The following SREBF2 variants were observed in gnomAD, a reference collection of about 807,000 sequenced individuals.
SREBF2 encodes the protein sterol regulatory element-binding protein 2.
Under a neutral mutation model 113.1 loss-of-function variants are expected in SREBF2, and 55 were observed. The ratio of observed to expected loss-of-function variants is 0.49; its 90% CI spans 0.39 to 0.61. The LOEUF is 0.61. SREBF2 is among the 20% of genes least tolerant of loss of function. The pLI is 0.00. For synonymous variants in SREBF2, 593 were observed against 605.7 expected, an observed-to-expected ratio of 0.98 and a Z score of 0.31; for missense variants, 1,349 against 1,487.4, an observed-to-expected ratio of 0.91 and a Z score of 1.53.
intron 11 of SREBF2, 33 bp downstream of exon 11, chr22:41,885,044 C>A (rs1266214789): frequency 2.5e-6 from 4 of 1,612,320 alleles, no homozygotes; most frequent in Non-Finnish European, 3.4e-6. Flanking sequence ...CTGTAAACCT[C>A]CCCTGAGCAC....
At chr22:41,849,934 C>G (rs909279674) in intron 1 of SREBF2, among the ~76,000 whole-genome samples, 1 of 117,390 alleles carries the variant, frequency 8.5e-6, no homozygotes, top group African/African-American at 3.4e-5. Context: ...GTCAGGAGAT[C>G]GAGACCATCC....
At chr22:41,855,059 G>GT (rs1051450271) in intron 1 of SREBF2, among the ~76,000 whole-genome samples, 1 of 149,178 alleles carries the variant, frequency 6.7e-6, no homozygotes, top group African/African-American at 2.5e-5. Flanking sequence ...ATATAGCAAA[G>GT]TTTTTTAAAA....
intron 16 of SREBF2, among the ~76,000 whole-genome samples, chr22:41,901,937 T>C (rs573207872): frequency 6.6e-6 from 1 of 152,340 alleles, no homozygotes; most frequent in South Asian, 2.1e-4. Flanking sequence ...AATCCAGACA[T>C]AGGCCTGCTG....
Position 41,906,027 on chromosome 22 carries a change from T to TG in SREBF2, c.*372dup, listed in dbSNP as rs1387578510. ...TCCTCAGTTTTTATCAGGCTTTCTC[T>TG]GGGGGACAGCAGTCTCTGAGCACCA... On this transcript the variant is annotated 3_prime_UTR_variant, in exon 19 of 19. Transcript: ENST00000361204. The TG allele has an allele frequency of 6.2e-6, 3 of 485,560 alleles. No individual in the cohort carries two copies. Among genetic ancestry groups the TG allele is most frequent in the Non-Finnish European group, 1.2e-5 (3 of 246,870 alleles). 30.1% of individuals were successfully genotyped at this position (485,560 alleles called of 1,614,324 possible).
At chr22:41,876,397 AT>A (rs1198841250) in intron 7 of SREBF2, among the ~76,000 whole-genome samples, 1 of 152,248 alleles carries the variant, frequency 6.6e-6, no homozygotes. Context: ...AGGAAGCTCC[AT>A]TTTTGAAATA....
intron 10 of SREBF2, among the ~76,000 whole-genome samples, chr22:41,882,554 C>G (rs953552893): frequency 1.8e-4 from 27 of 152,188 alleles, no homozygotes; most frequent in African/African-American, 6.5e-4. Flanking sequence ...ACCTGTAATC[C>G]CAGCACTTTG....
intron 11 of SREBF2, 102 bp from the exon 12 acceptor site, chr22:41,893,015 C>A: frequency 7.1e-7 from 1 of 1,404,362 alleles, no homozygotes; most frequent in Admixed American, 1.7e-5. Flanking sequence ...TTCCCAGTCT[C>A]CCCCAAAGCC....
intron 11 of SREBF2, among the ~76,000 whole-genome samples, chr22:41,892,392 G>C (rs1378122817): frequency 6.6e-6 from 1 of 152,324 alleles, no homozygotes; most frequent in Middle Eastern, 3.4e-3. Context: ...GCTCACGCCT[G>C]TAATCCCAGC....
intron 11 of SREBF2, chr22:41,886,124 A>G (rs2077296918): frequency 6.6e-6 from 1 of 152,192 alleles, no homozygotes; most frequent in Admixed American, 6.5e-5. Context: ...GCCCTTCTTG[A>G]GCTTGACATT....
intron 1 of SREBF2, among the ~76,000 whole-genome samples, chr22:41,856,276 G>A (rs1264650673): frequency 1.3e-5 from 2 of 152,074 alleles, no homozygotes; most frequent in Non-Finnish European, 2.9e-5. Flanking sequence ...ACAGGTGCGT[G>A]CCACCATGCC....
At chr22:41,854,602 C>T (rs189137006) in intron 1 of SREBF2, among the ~76,000 whole-genome samples, 38 of 152,034 alleles carry the variant, frequency 2.5e-4, no homozygotes, top group Non-Finnish European at 4.7e-4. Flanking sequence ...GGGGTGGTGG[C>T]TCATTCCTAT....
intron 10 of SREBF2, among the ~76,000 whole-genome samples, chr22:41,881,603 G>A (rs2077246438): frequency 6.6e-6 from 1 of 152,230 alleles, no homozygotes; most frequent in African/African-American, 2.4e-5. Context: ...CCCACCTGGG[G>A]TGGCTCTTGA....
At chr22:41,851,931 T>C (rs1451323797) in intron 1 of SREBF2, among the ~76,000 whole-genome samples, 1 of 151,870 alleles carries the variant, frequency 6.6e-6, no homozygotes, top group Non-Finnish European at 1.5e-5. Flanking sequence ...CCATCCTGGC[T>C]AACACGGTGA....
chr22:41,904,556 C>T, intron 17 of SREBF2: 2 of 586,640 alleles, frequency 3.4e-6, no homozygotes, highest in Non-Finnish European at 6.6e-6. Context: ...GGCCTTGGGG[C>T]TTCACCCAGG....
In SREBF2 at chr22:41,873,989, G is replaced by A. The variant is rs1350608191; in HGVS notation, c.1059G>A (p.Leu353=). 1.9e-6 allele frequency: 3 copies of A among 1,614,028 alleles called. No homozygotes were observed. In the African/African-American group the frequency reaches 4.0e-5, roughly 22 times the overall value. ...RSSINDKIIE[L]KDLVMGTDAK... ...CCATCAATGACAAAATCATCGAATTGAAAGACCTGGTCATGGGGACAGACG... is the reference window on the plus strand; with the variant it reads ...CCATCAATGACAAAATCATCGAATTAAAAGACCTGGTCATGGGGACAGACG... The change falls in exon 5 of 19, where the codon TTG becomes TTA. Residue 353 remains leucine (L), a synonymous_variant. Transcript: ENST00000361204.
In SREBF2 at chr22:41,866,845, G is replaced by A. The variant is rs1287686580; in HGVS notation, c.103G>A (p.Val35Ile). ...LGDIDEMLQFVSNQVGEFPDL... is the reference protein window; with the variant it reads ...LGDIDEMLQFISNQVGEFPDL... ...TTTGTTCACAGAGATGCTGCAATTT[G>A]TCAGTAATCAAGTGGGAGAGTTCCC... The change falls in exon 2 of 19, where the codon GTC (valine) becomes ATC (isoleucine). Residue 35 changes from valine to isoleucine, a missense_variant. Physicochemically the swap from Val to Ile is conservative, Grantham distance 29. Transcript: ENST00000361204. 6.2e-7 allele frequency: 1 copy of A among 1,614,120 alleles called. No homozygotes were observed. The highest frequency in any genetic ancestry group is 8.5e-7 in the Non-Finnish European group (1 of 1,180,054).
At chr22:41,840,615 A>G (rs2076820869) in intron 1 of SREBF2, among the ~76,000 whole-genome samples, 2 of 152,190 alleles carry the variant, frequency 1.3e-5, no homozygotes, top group African/African-American at 4.8e-5. Context: ...TTTAGGTTGG[A>G]CAGAGTTTTA....
chr22:41,881,575 A>T (rs2148397487), intron 10 of SREBF2, among the ~76,000 whole-genome samples: 1 of 152,296 alleles, frequency 6.6e-6, no homozygotes, highest in East Asian at 1.9e-4. Context: ...GGGCAGAGGG[A>T]TGTTCCCAAG....
intron 11 of SREBF2, among the ~76,000 whole-genome samples, chr22:41,888,841 C>T (rs941828982): frequency 9.2e-5 from 14 of 152,216 alleles, no homozygotes; most frequent in African/African-American, 3.4e-4. Context: ...GAACTGTCAT[C>T]TTTAAAGTAA....
Sources: gnomAD v4.1 joint callset for allele counts (sites outside exome capture counted in the v4.1 genomes callset) on GRCh38, gnomAD v4.1.1 for gene constraint, MANE v1.5 for transcripts, NCBI Gene and HGNC (gene_info 2026-07-23, HGNC 2026-07-21) for gene names.